Variants in FLNC observed in about 807,000 individuals in gnomAD.
The protein encoded by FLNC is filamin C.
A neutral mutation model predicts 254.3 loss-of-function variants in FLNC; 91 were observed. That is an observed-to-expected ratio of 0.36 (90% CI 0.30 to 0.43). The LOEUF (loss-of-function observed/expected upper bound fraction) is 0.43. Among genes scored for constraint, FLNC ranks in the 20% least tolerant of loss-of-function variants. FLNC has a pLI of 1.00. For synonymous variants in FLNC, 1,430 were observed against 1,577.2 expected, an observed-to-expected ratio of 0.91 and a Z score of 2.21; for missense variants, 2,853 against 3,802.6, an observed-to-expected ratio of 0.75 and a Z score of 6.57.
At position 128,848,054 on chromosome 7, in the gene FLNC, G is replaced by T. The variant is rs559667295; in HGVS notation, c.4566G>T (p.Gln1522His). The T allele has an allele frequency of 7.5e-6, 12 of 1,605,568 alleles. No homozygotes were observed. In the South Asian group the frequency reaches 1.1e-4, roughly 15 times the overall value. Residue 1522 changes from glutamine to histidine, a missense_variant, in exon 26 of 48, where the codon CAG becomes CAT. Around this residue, in one of 10 missense-constraint regions of FLNC, gnomAD observed 1,573 missense variants for 1,883.5 expected, o/e 0.84. Coordinates refer to ENST00000325888, the MANE Select transcript of FLNC (RefSeq NM_001458.5). ...PYTVAVKYAD[Q>H]EVPRSPFKIK... ...CGGTAGCCGTCAAGTATGCTGACCAGGAGGTGCCACGCAGGTGAGGACCAG... is the reference window on the plus strand; with the variant it reads ...CGGTAGCCGTCAAGTATGCTGACCATGAGGTGCCACGCAGGTGAGGACCAG...
Position 128,840,099 on chromosome 7 carries a change from C to G in FLNC, c.1488C>G (p.Asp496Glu), listed in dbSNP as rs1389380369. ...GTGTTCGCGTGAAAGAGGTGGCTGA[C>G]TTCAAGGTGTTTACCAAGGGTGCCG... ...PKGVRVKEVA[D>E]FKVFTKGAGS... Residue 496 changes from aspartate (D) to glutamate (E), a missense_variant, in exon 9 of 48, where the codon GAC (aspartate) becomes GAG (glutamate). Around this residue, in one of 10 missense-constraint regions of FLNC, gnomAD observed 1,573 missense variants for 1,883.5 expected, o/e 0.84. Coordinates refer to ENST00000325888, the MANE Select transcript of FLNC (RefSeq NM_001458.5). 1 of 1,614,042 alleles carries G rather than the reference C, an allele frequency of 6.2e-7. No homozygotes were observed. Among genetic ancestry groups the G allele is most frequent in the Non-Finnish European group, 8.5e-7 (1 of 1,180,050 alleles).
chr7:128,830,789 A>G lies in FLNC; in HGVS notation c.152A>G (p.Lys51Arg), dbSNP rs1807854319. 1 of 1,613,040 alleles carries G rather than the reference A, an allele frequency of 6.2e-7. No individual in the cohort carries two copies. The highest frequency in any genetic ancestry group is 1.3e-5 in the African/African-American group (1 of 74,948). Residue 51 changes from lysine (K) to arginine (R), a missense_variant, in exon 1 of 48, where the codon AAG (lysine) becomes AGG (arginine). This residue lies in a region of FLNC where 13 missense variants were observed against 37.8 expected (regional missense o/e 0.34). Coordinates refer to ENST00000325888, the MANE Select transcript of FLNC (RefSeq NM_001458.5). ...TFTRWCNEHLKCVGKRLTDLQ... is the reference protein window; with the variant it reads ...TFTRWCNEHLRCVGKRLTDLQ... ...ACGCGCTGGTGCAATGAGCACCTCA[A>G]GTGCGTGGGCAAGCGCCTGACCGAC...
intron 26 of FLNC, among the ~76,000 whole-genome samples, 170 bp from the exon 27 acceptor site, chr7:128,848,391 A>C (rs1585163383): frequency 6.6e-6 from 1 of 151,194 alleles, no homozygotes; most frequent in African/African-American, 2.4e-5. Flanking sequence ...GAGTGCCCCC[A>C]CCCCCAGACA....
At chr7:128,852,358 C>T (rs1808853426) in intron 35 of FLNC, among the ~76,000 whole-genome samples, 1 of 152,168 alleles carries the variant, frequency 6.6e-6, no homozygotes, top group Admixed American at 6.5e-5. Context: ...AGGGATTTAG[C>T]CCACAAGGAC....
At position 128,840,147 on chromosome 7, in the gene FLNC, G is replaced by A. The variant is rs1335788654; in HGVS notation, c.1536G>A (p.Thr512=). 5.6e-6 allele frequency: 9 copies of A among 1,613,786 alleles called. No homozygotes were observed. In the South Asian group the frequency reaches 6.6e-5, roughly 12 times the overall value. Residue 512 remains threonine (T), a synonymous_variant, in exon 9 of 48, where the codon ACG becomes ACA. Transcript: ENST00000325888. ...KGAGSGELKV[T]VKGPKGTEEP... ...CCGGCAGCGGGGAGCTCAAGGTCAC[G>A]GTCAAGGGGCCAAGTGAGTGCCAGA... is the stretch of plus-strand genomic sequence containing the variant.
chr7:128,833,219 G>A (rs955973840), intron 1 of FLNC, among the ~76,000 whole-genome samples: 13 of 152,178 alleles, frequency 8.5e-5, no homozygotes, highest in African/African-American at 2.9e-4. Context: ...TTCCCCAGTT[G>A]CTATTCCTTC....
chr7:128,852,217 A>G (rs976018418), intron 35 of FLNC, among the ~76,000 whole-genome samples: 8 of 152,170 alleles, frequency 5.3e-5, no homozygotes. Context: ...TAGATAAGGA[A>G]CCCCTGTCCC....
At chr7:128,850,272 G>A in intron 31 of FLNC, 112 bp from the exon 32 acceptor site, 1 of 1,041,798 alleles carries the variant, frequency 9.6e-7, no homozygotes. Flanking sequence ...CTGCCACGCT[G>A]GTTTCATGAT....
chr7:128,844,819 T>C lies in FLNC; in HGVS notation c.3354T>C (p.Ala1118=), dbSNP rs2128936403. ...ECQDNGDGSC[A]VSYLPTEPGE... ...AGGACAATGGTGATGGCTCATGTGC[T>C]GTCAGCTACCTGCCCACGGAGCCTG... Residue 1118 remains alanine (A), a synonymous_variant, in exon 21 of 48, where the codon GCT becomes GCC. Transcript: ENST00000325888. The C allele has an allele frequency of 6.2e-7, 1 of 1,614,158 alleles. No individual in the cohort carries two copies. The highest frequency in any genetic ancestry group is 1.1e-5 in the South Asian group (1 of 91,090).
chr7:128,832,619 G>T (rs1585149179), intron 1 of FLNC, among the ~76,000 whole-genome samples: 1 of 152,230 alleles, frequency 6.6e-6, no homozygotes, highest in Admixed American at 6.5e-5. Flanking sequence ...CAGCCCCCTT[G>T]GCTCAGCAGA....
chr7:128,843,388 A>G lies in FLNC; in HGVS notation c.2642-20A>G, dbSNP rs1808422108. ...TAGGTGGCTGCCAGGCCCTCACCAC[A>G]TCTCTGGGTGGGTCCTCAGGTGTGG... On this transcript the variant is annotated intron_variant, in intron 17 of 47. Transcript: ENST00000325888. 1 of 1,613,668 alleles carries G rather than the reference A, an allele frequency of 6.2e-7. No individual in the cohort carries two copies. Among genetic ancestry groups the G allele is most frequent in the African/African-American group, 1.3e-5 (1 of 74,880 alleles).
At position 128,835,784 on chromosome 7, in the gene FLNC, G is replaced by A. The variant is rs560977417; in HGVS notation, c.601+210G>A. On this transcript the variant is annotated intron_variant, in intron 2 of 47. Coordinates refer to ENST00000325888, the MANE Select transcript of FLNC (RefSeq NM_001458.5). This position sits in a 1 kb window ranked among gnomAD's most constrained non-coding sequence, Gnocchi z 5.3. ...GAGTGTGCCAGATTCCGCAGAGGCA[G>A]GAAGAGGTTTAAAACCCCTCATTTT... 6.6e-6 allele frequency among the ~76,000 whole-genome samples: 1 copy of A among 152,296 alleles called. No homozygotes were observed. Among genetic ancestry groups the A allele is most frequent in the East Asian group, 1.9e-4 (1 of 5,184 alleles).
In FLNC at chr7:128,857,015, C is replaced by G. The variant is rs111516346; in HGVS notation, c.7561+94C>G. The G allele has an allele frequency of 3.2e-5, 50 of 1,576,350 alleles. No individual in the cohort carries two copies. The African/African-American group carries it at 6.3e-4, about 20-fold the overall frequency. On this transcript the variant is annotated intron_variant, in intron 45 of 47. Coordinates refer to ENST00000325888, the MANE Select transcript of FLNC (RefSeq NM_001458.5). This position sits in a 1 kb window ranked among gnomAD's most constrained non-coding sequence, Gnocchi z 4.5. ...GCTCCAGAGGTAGGGGCCCTGCTTC[C>G]TAAGCCAGGAGTCCCCACAGAGGCT...
At chr7:128,838,874 A>G (rs1408956934) in intron 8 of FLNC, 71 bp downstream of exon 8, 10 of 1,466,948 alleles carry the variant, frequency 6.8e-6, no homozygotes, top group Non-Finnish European at 9.5e-6. Flanking sequence ...CAGGAGGAAG[A>G]GCTGGGGCGG....
chr7:128,858,598 C>A lies in FLNC; in HGVS notation c.*75C>A. On this transcript the variant is annotated 3_prime_UTR_variant, in exon 48 of 48. Coordinates refer to ENST00000325888, the MANE Select transcript of FLNC (RefSeq NM_001458.5). The surrounding 1 kb of genome is among the most constrained non-coding windows in gnomAD (Gnocchi z 6.7). ...CATTACACACACACACACACACACA[C>A]AAATGTGCCACACCCAGACACGCAC... 2 of 964,588 alleles carry A rather than the reference C, an allele frequency of 2.1e-6. No individual in the cohort carries two copies. Among genetic ancestry groups the A allele is most frequent in the East Asian group, 2.7e-5 (1 of 37,684 alleles). The allele number at this position is 964,588 out of a possible 1,614,324, so 59.8% of individuals were successfully genotyped here.
rs1807842119 is a variant in FLNC at position 128,830,551 on chromosome 7, C to G, written c.-87C>G. On this transcript the variant is annotated 5_prime_UTR_variant, in exon 1 of 48. Transcript: ENST00000325888. ...GGAGAGCAGCGCAGCGCAGCGAGTC[C>G]CGTGGTCGCGCCCCAACAGCGCCCG... 1.8e-6 allele frequency: 2 copies of G among 1,113,424 alleles called. No individual in the cohort carries two copies. The highest frequency in any genetic ancestry group is 2.7e-6 in the Non-Finnish European group (2 of 749,788). The allele number at this position is 1,113,424 out of a possible 1,614,324, so 69.0% of individuals were successfully genotyped here.
rs1201419836 is a variant in FLNC at position 128,857,021 on chromosome 7, C to A, written c.7562-97C>A. ...GAGGTAGGGGCCCTGCTTCCTAAGC[C>A]AGGAGTCCCCACAGAGGCTGTCCAG... On this transcript the variant is annotated intron_variant, in intron 45 of 47. Coordinates refer to ENST00000325888, the MANE Select transcript of FLNC (RefSeq NM_001458.5). This position sits in a 1 kb window ranked among gnomAD's most constrained non-coding sequence, Gnocchi z 4.5. 6.4e-7 allele frequency: 1 copy of A among 1,569,068 alleles called. No individual in the cohort carries two copies. The highest frequency in any genetic ancestry group is 8.8e-7 in the Non-Finnish European group (1 of 1,141,562).
chr7:128,834,204 A>T (rs1808002065), intron 1 of FLNC, among the ~76,000 whole-genome samples: 1 of 152,158 alleles, frequency 6.6e-6, no homozygotes, highest in South Asian at 2.1e-4. Flanking sequence ...TAGATTTCAG[A>T]ACTTCATTGC....
In FLNC at chr7:128,840,062, T is replaced by A. The variant is rs1459161208; in HGVS notation, c.1451T>A (p.Leu484Gln). 1 of 1,614,058 alleles carries A rather than the reference T, an allele frequency of 6.2e-7. No individual in the cohort carries two copies. The highest frequency in any genetic ancestry group is 2.2e-5 in the East Asian group (1 of 44,886). Reference sequence around the variant, plus strand: ...GCCTGCCGCGCCTCTGGGCGAGGCCTGCAGCCCAAGGGTGTTCGCGTGAAA... The same window carrying A: ...GCCTGCCGCGCCTCTGGGCGAGGCCAGCAGCCCAAGGGTGTTCGCGTGAAA... The part of the protein sequence containing the change: ...PNACRASGRG[L>Q]QPKGVRVKEV... Residue 484 changes from leucine (L) to glutamine (Q), a missense_variant, in exon 9 of 48, where the codon CTG becomes CAG. This residue lies in a region of FLNC where 1,573 missense variants were observed against 1,883.5 expected (regional missense o/e 0.84). Transcript: ENST00000325888.
Sources: gnomAD v4.1 joint callset for allele counts (sites outside exome capture counted in the v4.1 genomes callset) on GRCh38, gnomAD v4.1.1 for gene constraint, gnomAD v4.1.1 regional missense constraint, Gnocchi (gnomAD v3.1) non-coding constraint, MANE v1.5 for transcripts, NCBI Gene and HGNC (gene_info 2026-07-23, HGNC 2026-07-21) for gene names.